Variants in PHF12 observed in about 807,000 individuals in gnomAD.
PHF12 encodes PHD factor 1.
PHF12 carries 6 observed loss-of-function variants against 99.8 expected under a neutral mutation model. The ratio of observed to expected loss-of-function variants is 0.06; its 90% CI spans 0.03 to 0.12. The LOEUF is 0.12. Ranked by LOEUF, PHF12 falls within the 10% of genes least tolerant of loss-of-function variation. The probability of loss-of-function intolerance (pLI) is 1.00; values close to 1 mark genes in which losing one functional copy is unlikely to be tolerated. For synonymous variants in PHF12, 480 were observed against 514.9 expected, an observed-to-expected ratio of 0.93 and a Z score of 0.92; for missense variants, 954 against 1,300.1, an observed-to-expected ratio of 0.73 and a Z score of 4.09.
Position 28,924,024 on chromosome 17 carries a change from G to C in PHF12, c.600C>G (p.Asp200Glu). The C allele has an allele frequency of 6.2e-7, 1 of 1,614,198 alleles. No homozygotes were observed. The highest frequency in any genetic ancestry group is 8.5e-7 in the Non-Finnish European group (1 of 1,180,046). Reference sequence around the variant, plus strand: ...GCCGCCTCAGCTGGGGCTGCACATAGTCTGGCTCCGCTGCTACTGGTTCCT... The same window carrying C: ...GCCGCCTCAGCTGGGGCTGCACATACTCTGGCTCCGCTGCTACTGGTTCCT... ...VDEEPVAAEP[D>E]YVQPQLRRPF... is the part of the protein sequence containing the mutation. The change falls in exon 4 of 15, where the codon GAC becomes GAG. Residue 200 changes from aspartate to glutamate, a missense_variant. Physicochemically the swap from Asp to Glu is conservative, Grantham distance 45 (BLOSUM62 2). Transcript: ENST00000332830.
chr17:28,931,578 C>G (rs2040407452), intron 2 of PHF12, among the ~76,000 whole-genome samples: 1 of 149,782 alleles, frequency 6.7e-6, no homozygotes. Flanking sequence ...TTCTTAAGAT[C>G]TGCTTTTTTT....
chr17:28,912,580 G>A lies in PHF12; in HGVS notation c.1991C>T (p.Pro664Leu). 6.2e-7 allele frequency: 1 copy of A among 1,614,212 alleles called. No individual in the cohort carries two copies. Among genetic ancestry groups the A allele is most frequent in the Non-Finnish European group, 8.5e-7 (1 of 1,180,028 alleles). ...LTDSRPLGSP[P>L]NATRVLTPPQ... ...GGGAGTGAGCACCCGGGTGGCGTTTGGGGGTGAGCCCAGTGGCCTTGAATC... is the reference window on the plus strand; with the variant it reads ...GGGAGTGAGCACCCGGGTGGCGTTTAGGGGTGAGCCCAGTGGCCTTGAATC... Residue 664 changes from proline (P) to leucine (L), a missense_variant, in exon 9 of 15, where the codon CCA becomes CTA. Pro to Leu is a moderately conservative substitution (Grantham distance 98). Around this residue, in one of 8 missense-constraint regions of PHF12, gnomAD observed 392 missense variants for 423.1 expected, o/e 0.93. Coordinates refer to ENST00000332830, the MANE Select transcript of PHF12 (RefSeq NM_001033561.2).
Position 28,950,762 on chromosome 17 carries a change from G to T in PHF12, c.66+133C>A. 7.6e-7 allele frequency: 1 copy of T among 1,318,524 alleles called. No individual in the cohort carries two copies. Among genetic ancestry groups the T allele is most frequent in the Non-Finnish European group, 1.0e-6 (1 of 983,300 alleles). 81.7% of individuals were successfully genotyped at this position (1,318,524 alleles called of 1,614,324 possible). ...CCCCCTAAATTGCAAAGAGGGGAGG[G>T]AGAGGCTAGGTGAGGAAGAATCCCC... On this transcript the variant is annotated intron_variant, in intron 1 of 14. Transcript: ENST00000332830. The surrounding 1 kb of genome is among the most constrained non-coding windows in gnomAD (Gnocchi z 5.7).
Position 28,905,967 on chromosome 17 carries a change from T to G in PHF12, c.*216A>C. On this transcript the variant is annotated 3_prime_UTR_variant, in exon 15 of 15. Coordinates refer to ENST00000332830, the MANE Select transcript of PHF12 (RefSeq NM_001033561.2). ...AGGTCTGCCGCTTTCCCATGAAATG[T>G]TGAGTACAAATATATGTGCAAATGC... 1 of 500,338 alleles carries G rather than the reference T, an allele frequency of 2.0e-6. No individual in the cohort carries two copies. Among genetic ancestry groups the G allele is most frequent in the South Asian group, 3.7e-5 (1 of 26,694 alleles). The allele number at this position is 500,338 out of a possible 1,614,324, so 31.0% of individuals were successfully genotyped here. A position where few individuals can be genotyped will look rare whatever the true frequency, so the allele number is the denominator to read the frequency against.
At chr17:28,939,576 G>A (rs530652724) in intron 2 of PHF12, among the ~76,000 whole-genome samples, 1 of 152,334 alleles carries the variant, frequency 6.6e-6, no homozygotes, top group East Asian at 1.9e-4. Context: ...GATCACAGGA[G>A]CCTAGGGGTA....
At position 28,914,000 on chromosome 17, in the gene PHF12, G is replaced by A; in HGVS notation, c.1172C>T (p.Pro391Leu). 1.2e-6 allele frequency: 2 copies of A among 1,613,328 alleles called. No homozygotes were observed. The highest frequency in any genetic ancestry group is 1.7e-6 in the Non-Finnish European group (2 of 1,179,368). The stretch of plus-strand genomic sequence containing the variant: ...AATGGCCGCGGGTGCAATGAGAGGG[G>A]GTGGAAACTGGTACTGAGATTTTAT... Reference protein sequence around the residue: ...DAIKSQYQFPPPLIAPAAIRD... With the variant: ...DAIKSQYQFPLPLIAPAAIRD... The change falls in exon 8 of 15, where the codon CCC (proline) becomes CTC (leucine). Residue 391 changes from proline (P) to leucine (L), a missense_variant. Around this residue, in one of 8 missense-constraint regions of PHF12, gnomAD observed 392 missense variants for 423.1 expected, o/e 0.93. Coordinates refer to ENST00000332830, the MANE Select transcript of PHF12 (RefSeq NM_001033561.2).
chr17:28,925,292 C>T (rs1485322244), intron 3 of PHF12: 1 of 152,188 alleles, frequency 6.6e-6, no homozygotes, highest in Non-Finnish European at 1.5e-5. Flanking sequence ...CTTTCTCCTC[C>T]TCCTCTCAGG....
chr17:28,921,994 A>G (rs2040175558), intron 4 of PHF12, among the ~76,000 whole-genome samples, 186 bp from the exon 5 acceptor site: 1 of 152,222 alleles, frequency 6.6e-6, no homozygotes, highest in Admixed American at 6.5e-5. Context: ...AGGAAAAAAA[A>G]AGAGACTAAT....
rs776729721 is a variant in PHF12, at chr17:28,912,098, T to C, written c.2089+384A>G. The C allele has an allele frequency of 4.8e-4, 497 of 1,033,744 alleles. 1 individual carries two copies. The highest frequency in any genetic ancestry group is 5.6e-4 in the Non-Finnish European group (479 of 862,488). 64.0% of individuals were successfully genotyped at this position (1,033,744 alleles called of 1,614,324 possible). On this transcript the variant is annotated intron_variant, in intron 9 of 14. Coordinates refer to ENST00000332830, the MANE Select transcript of PHF12 (RefSeq NM_001033561.2). Reference sequence around the variant, plus strand: ...TGTGGATCTGACAATACTGAGGCCATCACGCAGAACCTCAGGCTGATCATA... The same window carrying C: ...TGTGGATCTGACAATACTGAGGCCACCACGCAGAACCTCAGGCTGATCATA...
intron 8 of PHF12, 140 bp downstream of exon 8, chr17:28,913,739 T>C: frequency 2.4e-6 from 3 of 1,235,314 alleles, no homozygotes; most frequent in Admixed American, 2.9e-5. Context: ...AAGTTCCCCC[T>C]GGAATACTCA....
At chr17:28,931,200 C>A (rs973684826) in intron 2 of PHF12, among the ~76,000 whole-genome samples, 7 of 152,064 alleles carry the variant, frequency 4.6e-5, no homozygotes, top group Non-Finnish European at 1.0e-4. Flanking sequence ...CCAGGGAAAC[C>A]CAAGCATTGT....
chr17:28,907,452 C>T lies in PHF12; in HGVS notation c.2541+138G>A. On this transcript the variant is annotated intron_variant, in intron 13 of 14. Transcript: ENST00000332830. ...ATTTCACATCAAGACTCTCCTCCTC[C>T]AGGAATGACAGGGAGGGAAGAAAAA... 2 of 791,674 alleles carry T rather than the reference C, an allele frequency of 2.5e-6. 1 individual carries two copies. Among genetic ancestry groups the T allele is most frequent in the South Asian group, 3.5e-5 (2 of 57,932 alleles). 49.0% of individuals were successfully genotyped at this position (791,674 alleles called of 1,614,324 possible).
At chr17:28,928,250 C>G (rs572166744) in intron 2 of PHF12, 1 of 152,440 alleles carries the variant, frequency 6.6e-6, no homozygotes, top group East Asian at 1.9e-4. Flanking sequence ...TCATGTGAAA[C>G]AGAAAAACCA....
At chr17:28,931,295 G>A (rs1489266321) in intron 2 of PHF12, among the ~76,000 whole-genome samples, 1 of 141,982 alleles carries the variant, frequency 7.0e-6, no homozygotes, top group Admixed American at 7.3e-5. Flanking sequence ...TTGCTCAGTT[G>A]CCCAGGCTGG....
At chr17:28,915,548 G>A (rs2040046650) in intron 7 of PHF12, among the ~76,000 whole-genome samples, 1 of 152,156 alleles carries the variant, frequency 6.6e-6, no homozygotes, top group Non-Finnish European at 1.5e-5. Flanking sequence ...GCCTTAGCTG[G>A]TGCCATGGGC....
chr17:28,906,086 T>C lies in PHF12; in HGVS notation c.*97A>G. The C allele has an allele frequency of 2.5e-6, 3 of 1,176,974 alleles. No homozygotes were observed. Among genetic ancestry groups the C allele is most frequent in the Non-Finnish European group, 3.5e-6 (3 of 855,758 alleles). 72.9% of individuals were successfully genotyped at this position (1,176,974 alleles called of 1,614,324 possible). ...AAGATTGTAGTTGAAGGGTTTCTGG[T>C]AGAGTATAGAAAACACCCGGGCTTG... On this transcript the variant is annotated 3_prime_UTR_variant, in exon 15 of 15. Coordinates refer to ENST00000332830, the MANE Select transcript of PHF12 (RefSeq NM_001033561.2). This position sits in a 1 kb window ranked among gnomAD's most constrained non-coding sequence, Gnocchi z 4.2.
At position 28,951,330 on chromosome 17, in the gene PHF12, G is replaced by T; in HGVS notation, c.-370C>A. On this transcript the variant is annotated 5_prime_UTR_variant, in exon 1 of 15. Coordinates refer to ENST00000332830, the MANE Select transcript of PHF12 (RefSeq NM_001033561.2). ...CCATCCCGGGGCTGGGGGTATCGGA[G>T]GGGGGGTGAGAGGTTACGTGAGGTT... 9.5e-7 allele frequency: 1 copy of T among 1,052,826 alleles called. No individual in the cohort carries two copies. The highest frequency in any genetic ancestry group is 1.2e-6 in the Non-Finnish European group (1 of 869,458). 65.2% of individuals were successfully genotyped at this position (1,052,826 alleles called of 1,614,324 possible). A position where few individuals can be genotyped will look rare whatever the true frequency, so the allele number is the denominator to read the frequency against.
chr17:28,933,080 C>T (rs1598150540), intron 2 of PHF12, among the ~76,000 whole-genome samples: 4 of 152,192 alleles, frequency 2.6e-5, no homozygotes, highest in South Asian at 2.1e-4. Context: ...GCTCTGCCCT[C>T]GCTCCCTCTC....
intron 12 of PHF12, chr17:28,908,237 A>ACT (rs2039904545): frequency 1.9e-5 from 3 of 161,388 alleles, no homozygotes; most frequent in Non-Finnish European, 2.7e-5. Context: ...CTCCCTGGGC[A>ACT]GTAGTCAGAG....
Sources: allele counts gnomAD v4.1 joint callset (sites outside exome capture counted in the v4.1 genomes callset), GRCh38; gene constraint gnomAD v4.1.1; regional missense constraint gnomAD v4.1.1; non-coding constraint Gnocchi (gnomAD v3.1); transcripts MANE v1.5; gene names NCBI Gene and HGNC (gene_info 2026-07-23, HGNC 2026-07-21).